SDC2: variants seen among roughly 807,000 people sequenced by gnomAD.
The protein encoded by SDC2 is syndecan 2.
In SDC2, 13 loss-of-function variants were observed where a neutral mutation model predicts 22.2. The observed-to-expected ratio is 0.59, with a 90% CI of 0.38 to 0.93. SDC2 has a LOEUF of 0.93. Ranked by LOEUF, SDC2 falls within the 40% of genes least tolerant of loss-of-function variation. The probability of loss-of-function intolerance (pLI) is 0.00; values close to 1 mark genes in which losing one functional copy is unlikely to be tolerated. For missense variants in SDC2, 235 were observed against 246.8 expected (o/e 0.95, Z 0.32); for synonymous variants, 94 against 92.8 (o/e 1.01, Z -0.07).
At chr8:96,604,210 T>A (rs149297943) in intron 3 of SDC2, among the ~76,000 whole-genome samples, 49 of 152,302 alleles carry the variant, frequency 3.2e-4, no homozygotes, top group African/African-American at 1.2e-3. Context: ...TAATTTGACA[T>A]AGAGTTCTGT....
intron 1 of SDC2, among the ~76,000 whole-genome samples, chr8:96,583,451 A>G (rs1814627992): frequency 6.8e-6 from 1 of 146,932 alleles, no homozygotes; most frequent in African/African-American, 2.5e-5. Flanking sequence ...TTAATTTTCA[A>G]AAGTTTATTT....
intron 1 of SDC2, among the ~76,000 whole-genome samples, chr8:96,547,566 C>T (rs1813954677): frequency 6.6e-6 from 1 of 152,090 alleles, no homozygotes; most frequent in Non-Finnish European, 1.5e-5. Context: ...TGCACGCTTC[C>T]TAAGAATTAC....
At chr8:96,571,320 A>C (rs1050032787) in intron 1 of SDC2, among the ~76,000 whole-genome samples, 4 of 152,184 alleles carry the variant, frequency 2.6e-5, no homozygotes, top group Non-Finnish European at 5.9e-5. Context: ...GAGCGGCTGC[A>C]AAGGCCCTGG....
chr8:96,581,531 C>A (rs1004618423), intron 1 of SDC2, among the ~76,000 whole-genome samples: 2 of 151,966 alleles, frequency 1.3e-5, no homozygotes, highest in Non-Finnish European at 2.9e-5. Flanking sequence ...ACTTGAGAGG[C>A]TGAGACAGGA....
chr8:96,581,289 G>A (rs371438058), intron 1 of SDC2, among the ~76,000 whole-genome samples: 2 of 152,030 alleles, frequency 1.3e-5, no homozygotes, highest in African/African-American at 4.8e-5. Flanking sequence ...TTGCAAATTC[G>A]CTTTTACCTT....
chr8:96,535,297 G>A (rs1333669784), intron 1 of SDC2, among the ~76,000 whole-genome samples: 8 of 152,182 alleles, frequency 5.3e-5, no homozygotes, highest in Non-Finnish European at 1.0e-4. Context: ...GTGAGCCACT[G>A]TGCCCGGCCC....
At chr8:96,563,000 A>G (rs1814236355) in intron 1 of SDC2, among the ~76,000 whole-genome samples, 1 of 151,706 alleles carries the variant, frequency 6.6e-6, no homozygotes, top group African/African-American at 2.4e-5. Flanking sequence ...ATCACCCCTA[A>G]TTTGTTTTCG....
intron 1 of SDC2, among the ~76,000 whole-genome samples, chr8:96,494,683 C>T (rs1360226447): frequency 1.3e-5 from 2 of 152,120 alleles, no homozygotes; most frequent in East Asian, 3.9e-4. Flanking sequence ...AGGGGGGAGC[C>T]TGGGTCGGGC....
intron 1 of SDC2, among the ~76,000 whole-genome samples, chr8:96,555,687 T>C (rs1814097080): frequency 6.6e-6 from 1 of 152,198 alleles, no homozygotes; most frequent in Non-Finnish European, 1.5e-5. Context: ...GTTTTGAACA[T>C]TTTCAGAAAA....
chr8:96,592,284 A>G lies in SDC2; in HGVS notation c.61-1196A>G, dbSNP rs555240372. On this transcript the variant is annotated intron_variant, in intron 1 of 4. Coordinates refer to ENST00000302190, the MANE Select transcript of SDC2 (RefSeq NM_002998.4). ...AGAAAATAAAGTGGTACTGTTACAG[A>G]GGGTTGGACCTGTCCTCTTAGGAAG... is the stretch of plus-strand genomic sequence containing the variant. Among the ~76,000 whole-genome samples, 5 of 152,350 alleles carry G rather than the reference A, an allele frequency of 3.3e-5. No homozygotes were observed. The South Asian group carries it at 1.0e-3, about 32-fold the overall frequency.
At chr8:96,540,309 T>C (rs1037096242) in intron 1 of SDC2, among the ~76,000 whole-genome samples, 1 of 134,092 alleles carries the variant, frequency 7.5e-6, no homozygotes, top group Non-Finnish European at 1.7e-5. Flanking sequence ...TTGGGCAACA[T>C]AGCAAAACCC....
intron 1 of SDC2, among the ~76,000 whole-genome samples, chr8:96,516,339 T>C (rs1266451740): frequency 6.6e-6 from 1 of 152,218 alleles, no homozygotes; most frequent in Non-Finnish European, 1.5e-5. Context: ...AAATAGTTTA[T>C]TTAGCCATGC....
At chr8:96,588,256 C>G (rs989289879) in intron 1 of SDC2, among the ~76,000 whole-genome samples, 2 of 152,146 alleles carry the variant, frequency 1.3e-5, no homozygotes, top group African/African-American at 2.4e-5. Flanking sequence ...AATCAGTGAT[C>G]TTGGTGACTA....
intron 3 of SDC2, among the ~76,000 whole-genome samples, chr8:96,604,211 A>C (rs1477302408): frequency 6.6e-6 from 1 of 152,194 alleles, no homozygotes; most frequent in Non-Finnish European, 1.5e-5. Flanking sequence ...AATTTGACAT[A>C]GAGTTCTGTC....
intron 1 of SDC2, among the ~76,000 whole-genome samples, chr8:96,579,295 G>T (rs1185206226): frequency 6.6e-6 from 1 of 152,234 alleles, no homozygotes; most frequent in African/African-American, 2.4e-5. Flanking sequence ...GAAATTGGCT[G>T]TTGATGCTAG....
intron 1 of SDC2, among the ~76,000 whole-genome samples, chr8:96,553,287 A>C (rs1814055504): frequency 6.6e-6 from 1 of 152,192 alleles, no homozygotes; most frequent in Non-Finnish European, 1.5e-5. Flanking sequence ...TATAAAATAT[A>C]TATTCTAATT....
At chr8:96,548,882 A>G (rs1813978512) in intron 1 of SDC2, among the ~76,000 whole-genome samples, 1 of 152,212 alleles carries the variant, frequency 6.6e-6, no homozygotes, top group South Asian at 2.1e-4. Flanking sequence ...GGCCTATGGC[A>G]GTGAAAAAGC....
chr8:96,515,971 GGGCTGGAAGGGGAGCCCTTCCA>G (rs1220289749), intron 1 of SDC2, among the ~76,000 whole-genome samples: 5 of 152,194 alleles, frequency 3.3e-5, no homozygotes, highest in Middle Eastern at 3.4e-3. Flanking sequence ...ACCCAGTGTT[GGGCTGGAAGGGGAGCCCTTCCA>G]GGCTGATGGA....
At chr8:96,555,279 C>T (rs1002535676) in intron 1 of SDC2, among the ~76,000 whole-genome samples, 3 of 152,058 alleles carry the variant, frequency 2.0e-5, no homozygotes, top group Admixed American at 1.3e-4. Flanking sequence ...CCGATTCTTT[C>T]ATTATATGGA....
Sources: gnomAD v4.1 joint callset for allele counts (sites outside exome capture counted in the v4.1 genomes callset) on GRCh38, gnomAD v4.1.1 for gene constraint, MANE v1.5 for transcripts, NCBI Gene and HGNC (gene_info 2026-07-23, HGNC 2026-07-21) for gene names.